Variants in PRPS2 observed in about 807,000 individuals in gnomAD.
PRPS2 encodes the protein phosphoribosyl pyrophosphate synthetase 2, also known as ribose-phosphate pyrophosphokinase 2.
For synonymous variants in PRPS2, 111 were observed against 115.3 expected, an observed-to-expected ratio of 0.96 and a Z score of 0.24; for missense variants, 104 against 271.5, an observed-to-expected ratio of 0.38 and a Z score of 4.34.
chrX:12,798,796 G>A (rs2042555839), intron 1 of PRPS2, among the ~76,000 whole-genome samples: 1 of 111,567 alleles, frequency 9.0e-6, no homozygotes. Context: ...GGTTCATGCT[G>A]AATGCCTGTG....
intron 4 of PRPS2, among the ~76,000 whole-genome samples, chrX:12,812,105 T>C (rs1234907501): frequency 1.8e-5 from 2 of 112,111 alleles, no homozygotes; most frequent in Non-Finnish European, 3.8e-5. Flanking sequence ...TGAATGACGC[T>C]GAGAGTCCTC....
At chrX:12,798,073 G>A (rs1602408947) in intron 1 of PRPS2, among the ~76,000 whole-genome samples, 1 of 112,173 alleles carries the variant, frequency 8.9e-6, no homozygotes, top group East Asian at 2.8e-4. Context: ...ATGAAATGCA[G>A]ATGGGACTTG....
chrX:12,802,934 CAG>C (rs1432263174), intron 2 of PRPS2, among the ~76,000 whole-genome samples: 3 of 111,787 alleles, frequency 2.7e-5, no homozygotes, highest in African/African-American at 9.8e-5. Context: ...ATTTGAGAGA[CAG>C]TGTGTGTAGT....
chrX:12,822,898 T>C lies in PRPS2; in HGVS notation c.*102T>C. ...TATTCAGCAATGATAGGTTAATCAC[T>C]GGCAAAAGCATCAGATCTTTGTATA... On this transcript the variant is annotated 3_prime_UTR_variant, in exon 7 of 7. Transcript: ENST00000380668. The C allele has an allele frequency of 1.7e-6, 1 of 582,706 alleles. No individual in the cohort carries two copies. The highest frequency in any genetic ancestry group is 2.9e-6 in the Non-Finnish European group (1 of 349,567). The allele number at this position is 582,706 out of a possible 1,213,427, so 48.0% of individuals were successfully genotyped here.
At chrX:12,801,856 GC>G (rs1189664220) in intron 2 of PRPS2, among the ~76,000 whole-genome samples, 1 of 112,334 alleles carries the variant, frequency 8.9e-6, no homozygotes, top group Non-Finnish European at 1.9e-5. Context: ...TGATCTGCCC[GC>G]CTTGGCCTCC....
At chrX:12,809,901 A>G (rs1313837851) in intron 3 of PRPS2, 121 bp from the exon 4 acceptor site, 8 of 983,847 alleles carry the variant, frequency 8.1e-6, no homozygotes, top group Non-Finnish European at 1.1e-5. Flanking sequence ...AGTCTGTTAT[A>G]AAAGCTTCTT....
intron 2 of PRPS2, among the ~76,000 whole-genome samples, chrX:12,807,290 C>T (rs191372976): frequency 3.6e-5 from 4 of 111,699 alleles, no homozygotes; most frequent in East Asian, 2.8e-4. Flanking sequence ...ACCTTAATCC[C>T]GCTCTCAAGG....
At chrX:12,797,864 A>T (rs188169987) in intron 1 of PRPS2, among the ~76,000 whole-genome samples, 1 of 112,542 alleles carries the variant, frequency 8.9e-6, no homozygotes, top group East Asian at 2.8e-4. Context: ...ATTTTCAAAA[A>T]CTTAGCTGCT....
chrX:12,807,398 A>AG (rs1436914776), intron 2 of PRPS2, among the ~76,000 whole-genome samples: 1 of 112,643 alleles, frequency 8.9e-6, no homozygotes, highest in African/African-American at 3.2e-5. Flanking sequence ...TTCAACCCGT[A>AG]GTAACTGATT....
chrX:12,795,904 A>G, intron 1 of PRPS2, among the ~76,000 whole-genome samples: 1 of 112,702 alleles, frequency 8.9e-6, no homozygotes, highest in Middle Eastern at 4.6e-3. Flanking sequence ...GAGGGAGCAC[A>G]TAGAACTCTT....
chrX:12,822,901 C>T lies in PRPS2; in HGVS notation c.*105C>T. 1 of 560,510 alleles carries T rather than the reference C, an allele frequency of 1.8e-6. No homozygotes were observed. Among genetic ancestry groups the T allele is most frequent in the South Asian group, 2.8e-5 (1 of 36,132 alleles). 46.2% of individuals were successfully genotyped at this position (560,510 alleles called of 1,213,427 possible). A position where few individuals can be genotyped will look rare whatever the true frequency, so the allele number is the denominator to read the frequency against. On this transcript the variant is annotated 3_prime_UTR_variant, in exon 7 of 7. Transcript: ENST00000380668. ...TCAGCAATGATAGGTTAATCACTGG[C>T]AAAAGCATCAGATCTTTGTATATGC... is the stretch of plus-strand genomic sequence containing the variant.
At chrX:12,798,776 TAAAC>T (rs939256127) in intron 1 of PRPS2, among the ~76,000 whole-genome samples, 12 of 111,787 alleles carry the variant, frequency 1.1e-4, no homozygotes, top group African/African-American at 3.2e-4. Context: ...AAACAATTGA[TAAAC>T]AATGTGGTTC....
intron 6 of PRPS2, among the ~76,000 whole-genome samples, chrX:12,821,786 C>T (rs920640276): frequency 8.9e-6 from 1 of 112,259 alleles, no homozygotes; most frequent in African/African-American, 3.2e-5. Context: ...TCCTTCCCGT[C>T]CCTGCTGATT....
intron 4 of PRPS2, among the ~76,000 whole-genome samples, chrX:12,817,665 C>A (rs1347036919): frequency 9.0e-6 from 1 of 110,936 alleles, no homozygotes; most frequent in Non-Finnish European, 1.9e-5. Flanking sequence ...TGGCCATGAA[C>A]AGATGAATGG....
intron 2 of PRPS2, among the ~76,000 whole-genome samples, chrX:12,800,055 A>G (rs1296177556): frequency 8.9e-6 from 1 of 112,403 alleles, no homozygotes; most frequent in Non-Finnish European, 1.9e-5. Flanking sequence ...CAACAGAGAA[A>G]TCGGAGGTTG....
chrX:12,801,734 G>A (rs751316168), intron 2 of PRPS2, among the ~76,000 whole-genome samples: 2 of 111,945 alleles, frequency 1.8e-5, no homozygotes, highest in African/African-American at 6.5e-5. Flanking sequence ...TCAGCCTCCC[G>A]AGTAGCTGGG....
intron 2 of PRPS2, among the ~76,000 whole-genome samples, chrX:12,806,679 TAAG>T (rs769244786): frequency 8.9e-6 from 1 of 112,462 alleles, no homozygotes; most frequent in South Asian, 3.7e-4. Flanking sequence ...TCCTAGAAGT[TAAG>T]AAACACTGGA....
intron 2 of PRPS2, among the ~76,000 whole-genome samples, chrX:12,805,221 A>T (rs949299341): frequency 8.9e-6 from 1 of 112,621 alleles, no homozygotes; most frequent in Non-Finnish European, 1.9e-5. Flanking sequence ...CATGGTGCCA[A>T]GTGGTCTGAG....
At chrX:12,801,265 T>G (rs1016498092) in intron 2 of PRPS2, among the ~76,000 whole-genome samples, 1 of 110,745 alleles carries the variant, frequency 9.0e-6, no homozygotes, top group African/African-American at 3.3e-5. Flanking sequence ...TGTGTGTGTG[T>G]GTTTATGATC....
Sources: gnomAD v4.1 joint callset for allele counts (sites outside exome capture counted in the v4.1 genomes callset) on GRCh38, gnomAD v4.1.1 for gene constraint, MANE v1.5 for transcripts, NCBI Gene and HGNC (gene_info 2026-07-23, HGNC 2026-07-21) for gene names.